The following SCYL2 variants were observed in gnomAD, a reference collection of about 807,000 sequenced individuals.
SCYL2 encodes the protein SCY1 like pseudokinase 2, also known as SCY1-like protein 2.
Under a neutral mutation model 100.4 loss-of-function variants are expected in SCYL2, and 36 were observed. The observed-to-expected ratio is 0.36, with a 90% CI of 0.27 to 0.47. The LOEUF is 0.47. Among genes scored for constraint, SCYL2 ranks in the 20% least tolerant of loss-of-function variants. The pLI is 1.00. For missense variants in SCYL2, 902 were observed against 1,083.9 expected (o/e 0.83, Z 2.36); for synonymous variants, 330 against 359.2 (o/e 0.92, Z 0.92).
chr12:100,339,144 G>T lies in SCYL2; in HGVS notation c.2762G>T (p.Ser921Ile). ...ACTATGACCAATAGCAGTTCAGCTA[G>T]CAATGATTTAAAAGATCTTTTTGGG... ...PTTMTNSSSA[S>I]NDLKDLFG Residue 921 changes from serine to isoleucine, a missense_variant, in exon 18 of 18, where the codon AGC (serine) becomes ATC (isoleucine). Physicochemically the swap from Ser to Ile is moderately radical, Grantham distance 142 (BLOSUM62 -2). Coordinates refer to ENST00000360820, the MANE Select transcript of SCYL2 (RefSeq NM_017988.6). 6.2e-7 allele frequency: 1 copy of T among 1,613,162 alleles called. No individual in the cohort carries two copies. The highest frequency in any genetic ancestry group is 8.5e-7 in the Non-Finnish European group (1 of 1,179,636).
chr12:100,294,066 G>A (rs2096313920), intron 3 of SCYL2, among the ~76,000 whole-genome samples: 1 of 150,688 alleles, frequency 6.6e-6, no homozygotes, highest in African/African-American at 2.4e-5. Context: ...ACGGGGTGGT[G>A]GCCGGGCAGA....
rs542584836 is a variant in SCYL2, at chr12:100,332,018, C to T, written c.1762-2148C>T. On this transcript the variant is annotated intron_variant, in intron 13 of 17. Transcript: ENST00000360820. ...CTCAGGACTCAGCATATAGTTATGC[C>T]CAGGCTGTGCTCTACTATGGTGAAA... Among the ~76,000 whole-genome samples the T allele has an allele frequency of 3.3e-5, 5 of 152,110 alleles. No individual in the cohort carries two copies. In the East Asian group the frequency reaches 5.8e-4, roughly 18 times the overall value.
At chr12:100,281,658 C>A (rs1170864273) in intron 1 of SCYL2, among the ~76,000 whole-genome samples, 1 of 151,988 alleles carries the variant, frequency 6.6e-6, no homozygotes, top group Non-Finnish European at 1.5e-5. Flanking sequence ...ACGGTGAAAC[C>A]CTGTCACTAC....
intron 1 of SCYL2, 56 bp from the exon 2 acceptor site, chr12:100,282,887 A>G: frequency 2.6e-6 from 2 of 773,134 alleles, no homozygotes; most frequent in Non-Finnish European, 4.0e-6. Flanking sequence ...AACTATGAAT[A>G]AATGCTTATA....
At chr12:100,286,176 A>G (rs1236838403) in intron 2 of SCYL2, among the ~76,000 whole-genome samples, 1 of 152,190 alleles carries the variant, frequency 6.6e-6, no homozygotes, top group Non-Finnish European at 1.5e-5. Flanking sequence ...TAATAATTCT[A>G]GATTTTGAAA....
intron 13 of SCYL2, among the ~76,000 whole-genome samples, chr12:100,330,822 T>A (rs1228132385): frequency 6.8e-6 from 1 of 147,216 alleles, no homozygotes; most frequent in African/African-American, 2.6e-5. Context: ...TAGGTTTTAA[T>A]TTTTTTTCTT....
chr12:100,319,621 G>A (rs1390109131), intron 10 of SCYL2, among the ~76,000 whole-genome samples: 3 of 152,188 alleles, frequency 2.0e-5, no homozygotes, highest in Non-Finnish European at 4.4e-5. Flanking sequence ...CTGGGTTCAA[G>A]CAGTTCTCGT....
intron 9 of SCYL2, among the ~76,000 whole-genome samples, chr12:100,317,385 C>T (rs1336734053): frequency 2.6e-5 from 4 of 152,230 alleles, no homozygotes; most frequent in Admixed American, 1.3e-4. Context: ...CTGCACCTGG[C>T]GTCTAGAATT....
At chr12:100,324,347 G>A (rs2096359465) in intron 11 of SCYL2, among the ~76,000 whole-genome samples, 1 of 152,048 alleles carries the variant, frequency 6.6e-6, no homozygotes. Context: ...CTTCAAAATA[G>A]CAGCTTTAAA....
At chr12:100,298,255 T>A in intron 4 of SCYL2, 80 bp downstream of exon 4, 3 of 1,028,036 alleles carry the variant, frequency 2.9e-6, no homozygotes, top group Non-Finnish European at 2.7e-6. Context: ...ATTAACCATG[T>A]AAAACTATTT....
intron 3 of SCYL2, among the ~76,000 whole-genome samples, chr12:100,295,480 G>A (rs9805058): frequency 4.6e-5 from 7 of 152,106 alleles, no homozygotes; most frequent in African/African-American, 9.7e-5. Flanking sequence ...CGGATCACTC[G>A]CGGTTAGGAG....
intron 11 of SCYL2, among the ~76,000 whole-genome samples, chr12:100,326,267 A>G (rs914341126): frequency 7.9e-5 from 12 of 152,272 alleles, no homozygotes; most frequent in African/African-American, 2.4e-4. Flanking sequence ...GGTGCAAAGA[A>G]TGTAGTCCTT....
At chr12:100,276,741 A>G (rs919165065) in intron 1 of SCYL2, among the ~76,000 whole-genome samples, 10 of 151,586 alleles carry the variant, frequency 6.6e-5, no homozygotes, top group African/African-American at 2.4e-4. Context: ...TCATTTCTCT[A>G]TTAAATAAAG....
At chr12:100,278,965 T>C (rs2096295391) in intron 1 of SCYL2, among the ~76,000 whole-genome samples, 2 of 152,176 alleles carry the variant, frequency 1.3e-5, no homozygotes, top group Non-Finnish European at 2.9e-5. Flanking sequence ...TTATATGTAA[T>C]TTACTTGTTT....
At chr12:100,294,130 C>T (rs527842086) in intron 3 of SCYL2, among the ~76,000 whole-genome samples, 4,894 of 144,814 alleles carry the variant, frequency 0.034, 266 homozygotes, top group African/African-American at 0.12. Context: ...CCTCACCTCC[C>T]GGACGGGGCG....
chr12:100,298,321 A>T, intron 4 of SCYL2, 146 bp downstream of exon 4: 1 of 567,884 alleles, frequency 1.8e-6, no homozygotes, highest in South Asian at 2.9e-5. Flanking sequence ...TGTTCTGGAA[A>T]TTTTTTCTGC....
At chr12:100,291,816 C>A in intron 3 of SCYL2, 156 bp downstream of exon 3, 1 of 656,830 alleles carries the variant, frequency 1.5e-6, no homozygotes, top group Non-Finnish European at 2.5e-6. Context: ...AATTTATTTG[C>A]ATTGTCTACG....
intron 4 of SCYL2, among the ~76,000 whole-genome samples, chr12:100,298,430 C>A (rs1438380126): frequency 1.3e-5 from 2 of 151,880 alleles, no homozygotes; most frequent in African/African-American, 4.8e-5. Context: ...GGAGTGGGTT[C>A]CTTTTGATTC....
rs1283530612 is a variant in SCYL2, at chr12:100,315,680, C to G, written c.1218C>G (p.Val406=). ...IAEECTKEEY[V]KLILPELGPV... ...AGGAATGCACCAAAGAAGAATATGT[C>G]AAATTAATTCTTCCTGAACTTGGCC... The change falls in exon 9 of 18, where the codon GTC becomes GTG. Residue 406 remains valine (V), a synonymous_variant. Transcript: ENST00000360820. 6.2e-7 allele frequency: 1 copy of G among 1,611,840 alleles called. No individual in the cohort carries two copies.
Sources: gnomAD v4.1 joint callset for allele counts (sites outside exome capture counted in the v4.1 genomes callset) on GRCh38, gnomAD v4.1.1 for gene constraint, MANE v1.5 for transcripts, NCBI Gene and HGNC (gene_info 2026-07-23, HGNC 2026-07-21) for gene names.